NID1: variants seen among roughly 807,000 people sequenced by gnomAD.
The protein encoded by NID1 is nidogen 1.
NID1 carries 76 observed loss-of-function variants against 130.6 expected under a neutral mutation model. That is an observed-to-expected ratio of 0.58 (90% CI 0.48 to 0.70). The LOEUF is 0.70. Ranked by LOEUF, NID1 falls within the 30% of genes least tolerant of loss-of-function variation. The pLI is 0.00. For missense variants in NID1, 1,517 were observed against 1,664.8 expected (o/e 0.91, Z 1.54); for synonymous variants, 665 against 675.1 (o/e 0.98, Z 0.23).
At chr1:236,063,153 CAAAAAAAA>C (rs57769010) in intron 1 of NID1, among the ~76,000 whole-genome samples, 91 of 79,680 alleles carry the variant, frequency 1.1e-3, no homozygotes, top group African/African-American at 2.6e-3. Flanking sequence ...GACTTCATCT[CAAAAAAAA>C]AAAAAAAAAA....
At position 236,041,937 on chromosome 1, in the gene NID1, C is replaced by T. The variant is rs1659463937; in HGVS notation, c.1108G>A (p.Val370Met). The T allele has an allele frequency of 1.2e-6, 2 of 1,610,790 alleles. No homozygotes were observed. The highest frequency in any genetic ancestry group is 2.2e-5 in the East Asian group (1 of 44,788). Reference protein sequence around the residue: ...FHQQHPQVIDVDEVEETGVVF... With the variant: ...FHQQHPQVIDMDEVEETGVVF... ...ACTCCTGTTTCCTCAACTTCATCCA[C>T]ATCTATGACCTGAGGGTGCTGCTGG... Residue 370 changes from valine (V) to methionine (M), a missense_variant, in exon 4 of 20, where the codon GTG becomes ATG. Around this residue, in one of 3 missense-constraint regions of NID1, gnomAD observed 1,329 missense variants for 1,429.2 expected, o/e 0.93. Transcript: ENST00000264187.
At chr1:236,029,877 C>T in intron 6 of NID1, 127 bp from the exon 7 acceptor site, 3 of 811,184 alleles carry the variant, frequency 3.7e-6, no homozygotes, top group Admixed American at 4.2e-5. Flanking sequence ...GGCTGTAGAA[C>T]ATAGAACTGG....
intron 3 of NID1, among the ~76,000 whole-genome samples, chr1:236,044,361 T>C (rs1659538503): frequency 6.6e-6 from 1 of 152,202 alleles, no homozygotes; most frequent in Non-Finnish European, 1.5e-5. Flanking sequence ...TCAAAACTCA[T>C]CATATTCTAA....
At chr1:236,050,410 G>A (rs367739742) in intron 1 of NID1, among the ~76,000 whole-genome samples, 1 of 151,882 alleles carries the variant, frequency 6.6e-6, no homozygotes, top group Non-Finnish European at 1.5e-5. Flanking sequence ...AAAATTAGCC[G>A]GACATGGTGG....
chr1:236,055,343 T>C (rs1370323693), intron 1 of NID1, among the ~76,000 whole-genome samples: 4 of 150,874 alleles, frequency 2.7e-5, no homozygotes, highest in African/African-American at 7.3e-5. Flanking sequence ...AGTTTGGGGA[T>C]GGGGAGGGAA....
Position 236,028,527 on chromosome 1 carries a change from A to G in NID1, c.1738+1023T>C, listed in dbSNP as rs376496018. 1.8e-4 allele frequency among the ~76,000 whole-genome samples: 27 copies of G among 152,220 alleles called. No individual in the cohort carries two copies. In the East Asian group the frequency reaches 4.6e-3, roughly 26 times the overall value. On this transcript the variant is annotated intron_variant, in intron 7 of 19. Coordinates refer to ENST00000264187, the MANE Select transcript of NID1 (RefSeq NM_002508.3). Reference sequence around the variant, plus strand: ...CGTCTCAAAACAAACAACAACCAAAAAACTATACATATCACTGTGTATCCA... The same window carrying G: ...CGTCTCAAAACAAACAACAACCAAAGAACTATACATATCACTGTGTATCCA...
chr1:235,979,697 C>G lies in NID1; in HGVS notation c.3509+125G>C. ...GAAGGATAAGGGAGAGGGGACATCTCTAGAGGGGGCATTTCTGGAGGCTCA... is the reference window on the plus strand; with the variant it reads ...GAAGGATAAGGGAGAGGGGACATCTGTAGAGGGGGCATTTCTGGAGGCTCA... On this transcript the variant is annotated intron_variant, in intron 18 of 19. Transcript: ENST00000264187. The surrounding 1 kb of genome is among the most constrained non-coding windows in gnomAD (Gnocchi z 4.6). 1 of 1,036,108 alleles carries G rather than the reference C, an allele frequency of 9.7e-7. No homozygotes were observed. The highest frequency in any genetic ancestry group is 1.4e-6 in the Non-Finnish European group (1 of 695,534). 64.2% of individuals were successfully genotyped at this position (1,036,108 alleles called of 1,614,324 possible). A position where few individuals can be genotyped will look rare whatever the true frequency, so the allele number is the denominator to read the frequency against.
rs1658437599 is a variant in NID1, at chr1:236,011,927, G to A, written c.2521C>T (p.Pro841Ser). 6.2e-7 allele frequency: 1 copy of A among 1,613,880 alleles called. No individual in the cohort carries two copies. Among genetic ancestry groups the A allele is most frequent in the Non-Finnish European group, 8.5e-7 (1 of 1,180,010 alleles). Reference sequence around the variant, plus strand: ...AGATGTCCCACCACCTTACCTCCGGGCACGCAACGGAAGCCGTCTCCCTGA... The same window carrying A: ...AGATGTCCCACCACCTTACCTCCGGACACGCAACGGAAGCCGTCTCCCTGA... Reference protein sequence around the residue: ...GYQGDGFRCVPGEVEKTRCQH... With the variant: ...GYQGDGFRCVSGEVEKTRCQH... The change falls in exon 12 of 20, where the codon CCC becomes TCC. Residue 841 changes from proline to serine, a missense_variant. Physicochemically the swap from Pro to Ser is moderately conservative, Grantham distance 74. This residue lies in a region of NID1 where 1,329 missense variants were observed against 1,429.2 expected (regional missense o/e 0.93). Coordinates refer to ENST00000264187, the MANE Select transcript of NID1 (RefSeq NM_002508.3).
Position 236,045,581 on chromosome 1 carries a change from T to G in NID1, c.628A>C (p.Lys210Gln), listed in dbSNP as rs925082246. Residue 210 changes from lysine to glutamine, a missense_variant, in exon 3 of 20, where the codon AAG becomes CAG. By Grantham distance (53) the Lys-to-Gln change is moderately conservative (BLOSUM62 1). Coordinates refer to ENST00000264187, the MANE Select transcript of NID1 (RefSeq NM_002508.3). ...GLQFHTTFSK[K>Q]ENNQVPAVVA... ...ACGGCAGGAACTTGGTTGTTTTCCT[T>G]CTTTGAGAATGTCGTATGGAACTGC... 9.9e-6 allele frequency: 16 copies of G among 1,614,072 alleles called. No individual in the cohort carries two copies. Among genetic ancestry groups the G allele is most frequent in the Admixed American group, 3.3e-5 (2 of 60,006 alleles).
Position 236,036,749 on chromosome 1 carries a change from C to T in NID1, c.1285+1355G>A, listed in dbSNP as rs530646851. Among the ~76,000 whole-genome samples the T allele has an allele frequency of 3.3e-5, 5 of 152,258 alleles. No homozygotes were observed. In the South Asian group the frequency reaches 1.0e-3, roughly 32 times the overall value. On this transcript the variant is annotated intron_variant, in intron 5 of 19. Coordinates refer to ENST00000264187, the MANE Select transcript of NID1 (RefSeq NM_002508.3). Reference sequence around the variant, plus strand: ...CACGGGAATGGGACTGATGGCTTTACAGGAAGAGGAAGAGAGACCCGACCC... The same window carrying T: ...CACGGGAATGGGACTGATGGCTTTATAGGAAGAGGAAGAGAGACCCGACCC...
chr1:235,991,072 G>A lies in NID1; in HGVS notation c.2756-14C>T. The A allele has an allele frequency of 6.4e-7, 1 of 1,563,034 alleles. No individual in the cohort carries two copies. The highest frequency in any genetic ancestry group is 8.6e-7 in the Non-Finnish European group (1 of 1,157,254). ...CTGTACTCAGACCTGCATGGCAGAG[G>A]GGGTCAGTGAGGGAGGCCCGTGTGC... On this transcript the variant is annotated splice_polypyrimidine_tract_variant and intron_variant, in intron 13 of 19. Coordinates refer to ENST00000264187, the MANE Select transcript of NID1 (RefSeq NM_002508.3).
intron 15 of NID1, among the ~76,000 whole-genome samples, chr1:235,984,972 G>A (rs1018622357): frequency 6.6e-6 from 1 of 152,068 alleles, no homozygotes; most frequent in Admixed American, 6.6e-5. Context: ...GGCGGATCAC[G>A]AGGTCAGGAG....
In NID1 at chr1:236,045,642, G is replaced by C; in HGVS notation, c.567C>G (p.Ser189Arg). 1 of 1,614,168 alleles carries C rather than the reference G, an allele frequency of 6.2e-7. No individual in the cohort carries two copies. ...CAGGATAAAGGAAAATGGCATAGGA[G>C]CTGGAATCAGAGGAGGCTAGAACAG... ...FQAVLASSDS[S>R]SYAIFLYPED... Residue 189 changes from serine to arginine, a missense_variant, in exon 3 of 20, where the codon AGC (serine) becomes AGG (arginine). Physicochemically the swap from Ser to Arg is moderately radical, Grantham distance 110 (BLOSUM62 -1). Transcript: ENST00000264187.
chr1:236,025,888 C>A lies in NID1; in HGVS notation c.1984+8G>T. 1.2e-6 allele frequency: 2 copies of A among 1,613,176 alleles called. No homozygotes were observed. Among genetic ancestry groups the A allele is most frequent in the Non-Finnish European group, 1.7e-6 (2 of 1,179,354 alleles). On this transcript the variant is annotated splice_region_variant and intron_variant, in intron 8 of 19. Coordinates refer to ENST00000264187, the MANE Select transcript of NID1 (RefSeq NM_002508.3). ...CACCTGTGCCCAGCATGAGCTGTATCCCCTTACCCCTCACAGGCCCAATGG... is the reference window on the plus strand; with the variant it reads ...CACCTGTGCCCAGCATGAGCTGTATACCCTTACCCCTCACAGGCCCAATGG...
chr1:236,004,726 C>T (rs998420483), intron 12 of NID1, among the ~76,000 whole-genome samples: 2 of 144,884 alleles, frequency 1.4e-5, no homozygotes, highest in East Asian at 2.0e-4. Context: ...CATGCCACTG[C>T]ACTCCAGCCT....
intron 4 of NID1, among the ~76,000 whole-genome samples, chr1:236,038,479 C>G (rs1233287506): frequency 1.3e-5 from 2 of 151,924 alleles, no homozygotes; most frequent in Admixed American, 1.3e-4. Flanking sequence ...GCAAACAGGT[C>G]TAAAAGGAGT....
rs1572603046 is a variant in NID1, at chr1:236,024,961, T to C, written c.1985-748A>G. 3.3e-5 allele frequency among the ~76,000 whole-genome samples: 5 copies of C among 152,108 alleles called. No homozygotes were observed. In the South Asian group the frequency reaches 1.0e-3, roughly 32 times the overall value. ...CTAACCACACAATTTCTTTTTCTTT[T>C]TTTTTTTTTGAGACAGCCCCTCTCT... On this transcript the variant is annotated intron_variant, in intron 8 of 19. Transcript: ENST00000264187.
chr1:236,045,665 C>G lies in NID1; in HGVS notation c.544G>C (p.Val182Leu), dbSNP rs745903338. The G allele has an allele frequency of 6.2e-7, 1 of 1,612,706 alleles. No homozygotes were observed. Among genetic ancestry groups the G allele is most frequent in the Admixed American group, 1.7e-5 (1 of 59,830 alleles). The change falls in exon 3 of 20, where the codon GTT (valine) becomes CTT (leucine). Residue 182 changes from valine (V) to leucine (L), a missense_variant. Coordinates refer to ENST00000264187, the MANE Select transcript of NID1 (RefSeq NM_002508.3). ...QKGKRNTFQA[V>L]LASSDSSSYA... The stretch of plus-strand genomic sequence containing the variant: ...GAGCTGGAATCAGAGGAGGCTAGAA[C>G]AGCCTGGAACGTGTTTCTCTGTGAA...
intron 1 of NID1, among the ~76,000 whole-genome samples, chr1:236,063,485 AAT>A (rs1476472377): frequency 0.03 from 4,491 of 150,406 alleles, 176 homozygotes; most frequent in African/African-American, 0.092. Context: ...AAAAAAAATA[AAT>A]AAATAAATAA....
Sources: gnomAD v4.1 joint callset for allele counts (sites outside exome capture counted in the v4.1 genomes callset) on GRCh38, gnomAD v4.1.1 for gene constraint, gnomAD v4.1.1 regional missense constraint, Gnocchi (gnomAD v3.1) non-coding constraint, MANE v1.5 for transcripts, NCBI Gene and HGNC (gene_info 2026-07-23, HGNC 2026-07-21) for gene names.